ASIC2: variants seen among roughly 807,000 people sequenced by gnomAD.
ASIC2 encodes the protein acid sensing ion channel subunit 2.
A neutral mutation model predicts 57.3 loss-of-function variants in ASIC2; 25 were observed. The observed-to-expected ratio is 0.44, with a 90% CI of 0.32 to 0.61. The LOEUF (loss-of-function observed/expected upper bound fraction) is 0.61. Among genes scored for constraint, ASIC2 ranks in the 20% least tolerant of loss-of-function variants. The probability of loss-of-function intolerance (pLI) is 0.06; values close to 1 mark genes in which losing one functional copy is unlikely to be tolerated. For missense variants in ASIC2, 641 were observed against 738.1 expected (o/e 0.87, Z 1.52); for synonymous variants, 319 against 307.5 (o/e 1.04, Z -0.39).
intron 1 of ASIC2, among the ~76,000 whole-genome samples, chr17:33,232,446 A>AATGGTATGGTATGGT (rs796183336): frequency 4.7e-5 from 6 of 128,034 alleles, no homozygotes; most frequent in African/African-American, 9.6e-5. Context: ...TATGGTATGG[A>AATGGTATGGTATGGT]ATGGTATGGT....
chr17:33,219,022 C>A (rs1597635977), intron 1 of ASIC2, among the ~76,000 whole-genome samples: 2 of 152,298 alleles, frequency 1.3e-5, no homozygotes, highest in East Asian at 3.9e-4. Flanking sequence ...GTGGTTAGAG[C>A]TGGTGATTTT....
chr17:33,822,442 C>A (rs1375308271), intron 1 of ASIC2, among the ~76,000 whole-genome samples: 2 of 152,166 alleles, frequency 1.3e-5, no homozygotes, highest in Non-Finnish European at 2.9e-5. Context: ...AATTAGAAAC[C>A]TATGAATTCC....
intron 1 of ASIC2, among the ~76,000 whole-genome samples, chr17:33,241,863 C>T (rs1011586795): frequency 3.9e-5 from 6 of 152,192 alleles, no homozygotes; most frequent in African/African-American, 9.7e-5. Context: ...TCTAAGGCAG[C>T]GTACTGGAAC....
chr17:33,923,721 T>G (rs527772543), intron 1 of ASIC2, among the ~76,000 whole-genome samples: 79 of 152,282 alleles, frequency 5.2e-4, no homozygotes, highest in African/African-American at 1.9e-3. Context: ...GGAAAGTGTT[T>G]GATATGTCAA....
chr17:34,089,824 C>T (rs553745985), intron 1 of ASIC2, among the ~76,000 whole-genome samples: 43 of 152,276 alleles, frequency 2.8e-4, no homozygotes, highest in South Asian at 8.3e-4. Flanking sequence ...AGCTCCAGGG[C>T]GATGGTCCAG....
intron 1 of ASIC2, among the ~76,000 whole-genome samples, chr17:33,881,366 C>G (rs903906443): frequency 3.3e-5 from 5 of 150,304 alleles, no homozygotes; most frequent in East Asian, 1.9e-4. Context: ...AAAACCCCAT[C>G]GTCTCAGCCC....
chr17:34,149,587 C>T (rs1177469862), intron 1 of ASIC2, among the ~76,000 whole-genome samples: 1 of 152,156 alleles, frequency 6.6e-6, no homozygotes, highest in African/African-American at 2.4e-5. Flanking sequence ...ATGTGCTAAG[C>T]AATTCTAGGT....
At chr17:33,500,792 C>T (rs1380640393) in intron 1 of ASIC2, among the ~76,000 whole-genome samples, 1 of 152,208 alleles carries the variant, frequency 6.6e-6, no homozygotes, top group Non-Finnish European at 1.5e-5. Context: ...TTTGTTTTCT[C>T]CTCTGTATCT....
chr17:33,646,270 A>G (rs1297573017), intron 1 of ASIC2, among the ~76,000 whole-genome samples: 1 of 152,196 alleles, frequency 6.6e-6, no homozygotes, highest in Non-Finnish European at 1.5e-5. Context: ...AAAGAAGATT[A>G]GATGTGTGTA....
intron 1 of ASIC2, among the ~76,000 whole-genome samples, chr17:33,723,075 A>G (rs1217345981): frequency 6.6e-6 from 1 of 152,124 alleles, no homozygotes; most frequent in Non-Finnish European, 1.5e-5. Context: ...ACCCAGGAGG[A>G]ATGGGGAGAA....
intron 1 of ASIC2, among the ~76,000 whole-genome samples, chr17:33,156,105 G>C (rs1254867171): frequency 1.3e-5 from 2 of 151,092 alleles, no homozygotes; most frequent in African/African-American, 4.9e-5. Context: ...CTCAAACTTA[G>C]ATACACATCA....
chr17:34,083,130 T>A (rs1052536772), intron 1 of ASIC2, among the ~76,000 whole-genome samples: 2 of 151,070 alleles, frequency 1.3e-5, no homozygotes, highest in Non-Finnish European at 3.0e-5. Context: ...CACTAACTCG[T>A]CATCTAGCAT....
chr17:33,440,185 C>T (rs1911775709), intron 1 of ASIC2, among the ~76,000 whole-genome samples: 1 of 152,312 alleles, frequency 6.6e-6, no homozygotes, highest in African/African-American at 2.4e-5. Flanking sequence ...CAAACACTGA[C>T]CAGCTAGCTG....
chr17:33,914,228 G>A (rs1205863134), intron 1 of ASIC2, among the ~76,000 whole-genome samples: 1 of 152,194 alleles, frequency 6.6e-6, no homozygotes, highest in East Asian at 1.9e-4. Flanking sequence ...GGGCTGGGCA[G>A]GTGAGAATTT....
At chr17:33,563,834 G>C (rs1236624237) in intron 1 of ASIC2, among the ~76,000 whole-genome samples, 1 of 152,188 alleles carries the variant, frequency 6.6e-6, no homozygotes, top group East Asian at 1.9e-4. Context: ...GCTAGAGCCA[G>C]GTTTCTCCTG....
chr17:33,960,438 A>T (rs1250252303), intron 1 of ASIC2, among the ~76,000 whole-genome samples: 2 of 152,194 alleles, frequency 1.3e-5, no homozygotes, highest in African/African-American at 2.4e-5. Flanking sequence ...GAGGTGAATG[A>T]GTTCCATGCC....
intron 3 of ASIC2, among the ~76,000 whole-genome samples, chr17:33,080,189 G>T (rs2092107639): frequency 6.6e-6 from 1 of 152,038 alleles, no homozygotes; most frequent in Non-Finnish European, 1.5e-5. Flanking sequence ...TTATGAAGGG[G>T]GCCAAGGCAG....
At chr17:33,674,440 A>G (rs1322370417) in intron 1 of ASIC2, among the ~76,000 whole-genome samples, 3 of 152,216 alleles carry the variant, frequency 2.0e-5, no homozygotes, top group African/African-American at 7.2e-5. Context: ...TGTTTGGTGA[A>G]TGATTGAAGG....
intron 3 of ASIC2, among the ~76,000 whole-genome samples, chr17:33,056,620 T>C (rs1286641495): frequency 6.6e-6 from 1 of 152,214 alleles, no homozygotes; most frequent in African/African-American, 2.4e-5. Context: ...TAGGACGCTC[T>C]ATAAAGTTTA....
Sources: allele counts gnomAD v4.1 joint callset (sites outside exome capture counted in the v4.1 genomes callset), GRCh38; gene constraint gnomAD v4.1.1; transcripts MANE v1.5; gene names NCBI Gene and HGNC (gene_info 2026-07-23, HGNC 2026-07-21).